Variants in SLCO4C1 observed in about 807,000 individuals in gnomAD.
SLCO4C1 encodes the protein organic anion transporter M1.
SLCO4C1 carries 58 observed loss-of-function variants against 72.1 expected under a neutral mutation model. The ratio of observed to expected loss-of-function variants is 0.80; its 90% confidence interval spans 0.65 to 1.00. SLCO4C1 has a LOEUF of 1.00. Ranked by LOEUF, SLCO4C1 falls within the 50% of genes least tolerant of loss-of-function variation. SLCO4C1 has a pLI of 0.00. For missense variants in SLCO4C1, 898 were observed against 857.9 expected, an observed-to-expected ratio of 1.05 and a Z score of -0.58; for synonymous variants, 297 against 312.5, an observed-to-expected ratio of 0.95 and a Z score of 0.52.
intron 2 of SLCO4C1, among the ~76,000 whole-genome samples, chr5:102,271,397 T>C (rs1749150033): frequency 6.6e-6 from 1 of 151,226 alleles, no homozygotes; most frequent in Admixed American, 6.6e-5. Flanking sequence ...GATGTACATA[T>C]TTTTTTAAGT....
In SLCO4C1 at chr5:102,249,728, T is replaced by C; in HGVS notation, c.1530A>G (p.Ser510=). 2 of 1,613,998 alleles carry C rather than the reference T, an allele frequency of 1.2e-6. No individual in the cohort carries two copies. The highest frequency in any genetic ancestry group is 1.7e-6 in the Non-Finnish European group (2 of 1,179,942). ...PCNANCNCSR[S]YYYPVCGDGV... Reference sequence around the variant, plus strand: ...CATCTCCACAGACAGGATAATAATATGATCGCGAACAGTTACAATTGGCAT... The same window carrying C: ...CATCTCCACAGACAGGATAATAATACGATCGCGAACAGTTACAATTGGCAT... Residue 510 remains serine (S), a synonymous_variant, in exon 9 of 13, where the codon TCA becomes TCG. Coordinates refer to ENST00000310954, the MANE Select transcript of SLCO4C1 (RefSeq NM_180991.5).
Position 102,236,729 on chromosome 5 carries a change from T to C in SLCO4C1, c.*129A>G, listed in dbSNP as rs1378859972. 9.4e-7 allele frequency: 1 copy of C among 1,065,720 alleles called. No individual in the cohort carries two copies. The highest frequency in any genetic ancestry group is 1.6e-5 in the African/African-American group (1 of 61,332). 66.0% of individuals were successfully genotyped at this position (1,065,720 alleles called of 1,614,324 possible). ...AACTACATAAGTAAAAAAATACATT[T>C]GATTATAAAAACATCAATTTTGTAA... On this transcript the variant is annotated 3_prime_UTR_variant, in exon 13 of 13. Coordinates refer to ENST00000310954, the MANE Select transcript of SLCO4C1 (RefSeq NM_180991.5).
At chr5:102,237,961 A>G (rs1169320051) in intron 12 of SLCO4C1, among the ~76,000 whole-genome samples, 1 of 152,196 alleles carries the variant, frequency 6.6e-6, no homozygotes, top group Non-Finnish European at 1.5e-5. Context: ...TAAGCATTTA[A>G]TAATTGCCAG....
intron 10 of SLCO4C1, among the ~76,000 whole-genome samples, chr5:102,242,803 G>A (rs186239923): frequency 1.4e-3 from 207 of 152,194 alleles, no homozygotes; most frequent in Admixed American, 5.2e-3. Flanking sequence ...GGCAAAACTC[G>A]TTCTGCTTCA....
intron 12 of SLCO4C1, among the ~76,000 whole-genome samples, chr5:102,238,509 T>A (rs947408369): frequency 6.6e-6 from 1 of 152,146 alleles, no homozygotes; most frequent in Non-Finnish European, 1.5e-5. Context: ...ACTCTGGATT[T>A]ACATGCATGT....
intron 8 of SLCO4C1, among the ~76,000 whole-genome samples, chr5:102,255,301 C>T (rs1168994560): frequency 6.6e-6 from 1 of 152,138 alleles, no homozygotes; most frequent in Non-Finnish European, 1.5e-5. Context: ...ACCTGGACAG[C>T]ACACCTGGTA....
rs1008033159 is a variant in SLCO4C1, at chr5:102,234,019, T to A, written c.*2839A>T. 1.3e-5 allele frequency: 2 copies of A among 152,128 alleles called. No individual in the cohort carries two copies. Among genetic ancestry groups the A allele is most frequent in the Non-Finnish European group, 2.9e-5 (2 of 67,970 alleles). The allele number at this position is 152,128 out of a possible 1,614,324, so 9.4% of individuals were successfully genotyped here. On this transcript the variant is annotated 3_prime_UTR_variant, in exon 13 of 13. Transcript: ENST00000310954. Reference sequence around the variant, plus strand: ...AAACATTCTGATTTAATAAATGGTATGAATATATATTTTGCATACTTTACA... The same window carrying A: ...AAACATTCTGATTTAATAAATGGTAAGAATATATATTTTGCATACTTTACA...
chr5:102,240,914 G>A, intron 10 of SLCO4C1, 132 bp from the exon 11 acceptor site: 1 of 558,296 alleles, frequency 1.8e-6, no homozygotes, highest in Non-Finnish European at 3.1e-6. Context: ...TAATGCATTT[G>A]TAAGAGCTTA....
At chr5:102,291,313 A>G in intron 2 of SLCO4C1, 30 bp downstream of exon 2, 1 of 1,595,598 alleles carries the variant, frequency 6.3e-7, no homozygotes, top group Non-Finnish European at 8.5e-7. Context: ...TCTTCAGATT[A>G]AAACAAACAT....
chr5:102,258,860 G>T (rs533613100), intron 6 of SLCO4C1, among the ~76,000 whole-genome samples: 1 of 151,230 alleles, frequency 6.6e-6, no homozygotes, highest in Non-Finnish European at 1.5e-5. Flanking sequence ...CTAAAAACAT[G>T]CAATAATTTA....
intron 8 of SLCO4C1, 132 bp from the exon 9 acceptor site, chr5:102,249,920 C>G: frequency 1.1e-6 from 1 of 896,884 alleles, no homozygotes; most frequent in Non-Finnish European, 1.7e-6. Flanking sequence ...ACAAATAAAA[C>G]GTCTTCCTTT....
chr5:102,260,258 A>G lies in SLCO4C1; in HGVS notation c.1083T>C (p.Asp361=). The change falls in exon 6 of 13, where the codon GAT becomes GAC. Residue 361 remains aspartate (D), a synonymous_variant. Coordinates refer to ENST00000310954, the MANE Select transcript of SLCO4C1 (RefSeq NM_180991.5). Reference sequence around the variant, plus strand: ...CTTTAATACTTTTTCCAAATTTCACATCTGCATTACTATTACTCTGATGAG... The same window carrying G: ...CTTTAATACTTTTTCCAAATTTCACGTCTGCATTACTATTACTCTGATGAG... ...SQAHQSNSNA[D]VKFGKSIKDF... 2.8e-6 allele frequency: 4 copies of G among 1,405,346 alleles called. No homozygotes were observed. The highest frequency in any genetic ancestry group is 2.8e-5 in the East Asian group (1 of 35,792). The allele number at this position is 1,405,346 out of a possible 1,614,324, so 87.1% of individuals were successfully genotyped here.
At chr5:102,292,289 A>G (rs1430087164) in intron 1 of SLCO4C1, among the ~76,000 whole-genome samples, 1 of 152,194 alleles carries the variant, frequency 6.6e-6, no homozygotes, top group African/African-American at 2.4e-5. Context: ...GTTTCCAAGT[A>G]TTAATATATC....
intron 3 of SLCO4C1, among the ~76,000 whole-genome samples, chr5:102,266,672 GA>G (rs148728058): frequency 1.3e-5 from 2 of 151,190 alleles, no homozygotes; most frequent in East Asian, 1.9e-4. Context: ...GAAAAGAAAA[GA>G]AAAAAAACAG....
chr5:102,246,441 T>C (rs541790310), intron 10 of SLCO4C1, among the ~76,000 whole-genome samples: 5 of 151,894 alleles, frequency 3.3e-5, no homozygotes, highest in East Asian at 3.9e-4. Context: ...CCTACCAAGA[T>C]GGAATCAAGA....
chr5:102,274,846 GAA>G (rs1183245427), intron 2 of SLCO4C1, among the ~76,000 whole-genome samples: 1 of 152,090 alleles, frequency 6.6e-6, no homozygotes, highest in African/African-American at 2.4e-5. Context: ...TGAGGAAGGA[GAA>G]AGAGCTGCTG....
intron 10 of SLCO4C1, among the ~76,000 whole-genome samples, chr5:102,241,507 G>GA (rs967168776): frequency 1.3e-5 from 2 of 148,874 alleles, no homozygotes; most frequent in African/African-American, 2.5e-5. Context: ...CAATAGCATT[G>GA]AAAAAAAAAT....
At chr5:102,273,178 A>C (rs1425547436) in intron 2 of SLCO4C1, among the ~76,000 whole-genome samples, 2 of 152,156 alleles carry the variant, frequency 1.3e-5, no homozygotes. Context: ...AGGAAAAATA[A>C]GACACCAAGA....
rs1421950965 is a variant in SLCO4C1, at chr5:102,260,244, T to C, written c.1097A>G (p.Lys366Arg). 1.4e-6 allele frequency: 2 copies of C among 1,400,724 alleles called. No individual in the cohort carries two copies. Among genetic ancestry groups the C allele is most frequent in the Non-Finnish European group, 1.9e-6 (2 of 1,067,664 alleles). The allele number at this position is 1,400,724 out of a possible 1,614,324, so 86.8% of individuals were successfully genotyped here. The change falls in exon 6 of 13, where the codon AAA (lysine) becomes AGA (arginine). Residue 366 changes from lysine (K) to arginine (R), a missense_variant. By Grantham distance (26) the Lys-to-Arg change is conservative (BLOSUM62 2). Transcript: ENST00000310954. ...AGCAGCTGGAAAATCTTTAATACTT[T>C]TTCCAAATTTCACATCTGCATTACT... The part of the protein sequence containing the change: ...SNSNADVKFG[K>R]SIKDFPAALK...
Sources: gnomAD v4.1 joint callset for allele counts (sites outside exome capture counted in the v4.1 genomes callset) on GRCh38, gnomAD v4.1.1 for gene constraint, MANE v1.5 for transcripts, NCBI Gene and HGNC (gene_info 2026-07-23, HGNC 2026-07-21) for gene names.